Variants in C1orf226 observed in about 807,000 individuals in gnomAD.
The protein encoded by C1orf226 is chromosome 1 open reading frame 226, also known as uncharacterized protein C1orf226.
A neutral mutation model predicts 10.5 loss-of-function variants in C1orf226; 4 were observed. That is an observed-to-expected ratio of 0.38 (90% CI 0.19 to 0.87). The LOEUF (loss-of-function observed/expected upper bound fraction) is 0.87, where lower values mean the gene tolerates loss of function less well. C1orf226 is among the 40% of genes least tolerant of loss of function. C1orf226 has a pLI of 0.41. For missense variants in C1orf226, 313 were observed against 336.2 expected (o/e 0.93, Z 0.54); for synonymous variants, 125 against 139.3 (o/e 0.90, Z 0.72).
At chr1:162,379,061 T>A, upstream of C1orf226, 3 of 1,404,936 alleles carry the variant, frequency 2.1e-6, no homozygotes, top group Non-Finnish European at 3.0e-6. Flanking sequence ...TGTGGATGAC[T>A]TACATCCCCA....
upstream of C1orf226, among the ~76,000 whole-genome samples, chr1:162,379,972 T>C (rs1647856952): frequency 6.6e-6 from 1 of 152,242 alleles, no homozygotes; most frequent in Non-Finnish European, 1.5e-5. Flanking sequence ...CTATGTACTT[T>C]CTGGTTTGGG....
chr1:162,386,221 A>G lies in C1orf226; in HGVS notation c.*2538A>G. ...TGCCCAAAGCCCAGCAGGAACAGCT[A>G]CTACTCATCCTGCAGAGGCCTTGGC... is the stretch of plus-strand genomic sequence containing the variant. On this transcript the variant is annotated 3_prime_UTR_variant, in exon 2 of 2. Coordinates refer to ENST00000458626, the MANE Select transcript of C1orf226 (RefSeq NM_001085375.2). 1 of 152,468 alleles carries G rather than the reference A, an allele frequency of 6.6e-6. No individual in the cohort carries two copies. The highest frequency in any genetic ancestry group is 1.5e-5 in the Non-Finnish European group (1 of 68,138). 9.4% of individuals were successfully genotyped at this position (152,468 alleles called of 1,614,324 possible).
At position 162,382,017 on chromosome 1, in the gene C1orf226, G is replaced by A; in HGVS notation, c.116G>A (p.Gly39Glu). ...GSAPLGSGEPGGPGLWVGSSQ... is the reference protein window; with the variant it reads ...GSAPLGSGEPEGPGLWVGSSQ... The stretch of plus-strand genomic sequence containing the variant: ...GCCCCTCTGGGCTCTGGTGAGCCTG[G>A]GGGGCCAGGACTCTGGGTGGGCAGC... The change falls in exon 1 of 2, where the codon GGG becomes GAG. Residue 39 changes from glycine (G) to glutamate (E), a missense_variant. By Grantham distance (98) the Gly-to-Glu change is moderately conservative. Transcript: ENST00000458626. 6.2e-7 allele frequency: 1 copy of A among 1,612,364 alleles called. No homozygotes were observed. Among genetic ancestry groups the A allele is most frequent in the Non-Finnish European group, 8.5e-7 (1 of 1,179,548 alleles).
rs917441157 is a variant in C1orf226 at position 162,385,508 on chromosome 1, G to A, written c.*1825G>A. ...CACCACAAACTGTCTCCCCTCCCTC[G>A]TAGGAGTCACTGCAGTAGGGCACCT... On this transcript the variant is annotated 3_prime_UTR_variant, in exon 2 of 2. Coordinates refer to ENST00000458626, the MANE Select transcript of C1orf226 (RefSeq NM_001085375.2). 2 of 152,212 alleles carry A rather than the reference G, an allele frequency of 1.3e-5. No individual in the cohort carries two copies. The highest frequency in any genetic ancestry group is 4.8e-5 in the African/African-American group (2 of 41,414). 9.4% of individuals were successfully genotyped at this position (152,212 alleles called of 1,614,324 possible).
At position 162,385,201 on chromosome 1, in the gene C1orf226, G is replaced by C. The variant is rs963232068; in HGVS notation, c.*1518G>C. 5 of 152,544 alleles carry C rather than the reference G, an allele frequency of 3.3e-5. No individual in the cohort carries two copies. Among genetic ancestry groups the C allele is most frequent in the Non-Finnish European group, 7.3e-5 (5 of 68,050 alleles). The allele number at this position is 152,544 out of a possible 1,614,324, so 9.4% of individuals were successfully genotyped here. A position where few individuals can be genotyped will look rare whatever the true frequency, so the allele number is the denominator to read the frequency against. On this transcript the variant is annotated 3_prime_UTR_variant, in exon 2 of 2. Coordinates refer to ENST00000458626, the MANE Select transcript of C1orf226 (RefSeq NM_001085375.2). ...TGTGGCCTCCCCTGTTCTATTCATT[G>C]TTTGGCTTCCCACCCATAAGCTCTG... is the stretch of plus-strand genomic sequence containing the variant.
At chr1:162,380,439 G>A (rs143152489), upstream of C1orf226, among the ~76,000 whole-genome samples, 1 of 152,360 alleles carries the variant, frequency 6.6e-6, no homozygotes, top group African/African-American at 2.4e-5. Flanking sequence ...CCGGGATACA[G>A]CAGTGCAGGG....
In C1orf226 at chr1:162,382,006, T is replaced by A; in HGVS notation, c.105T>A (p.Ser35=). The change falls in exon 1 of 2, where the codon TCT becomes TCA. Residue 35 remains serine, a synonymous_variant. Coordinates refer to ENST00000458626, the MANE Select transcript of C1orf226 (RefSeq NM_001085375.2). ...PVAPGSAPLG[S]GEPGGPGLWV... ...CCCCCGGCTCTGCCCCTCTGGGCTCTGGTGAGCCTGGGGGGCCAGGACTCT... is the reference window on the plus strand; with the variant it reads ...CCCCCGGCTCTGCCCCTCTGGGCTCAGGTGAGCCTGGGGGGCCAGGACTCT... The A allele has an allele frequency of 6.2e-7, 1 of 1,612,508 alleles. No individual in the cohort carries two copies. Among genetic ancestry groups the A allele is most frequent in the South Asian group, 1.1e-5 (1 of 90,994 alleles).
In C1orf226 at chr1:162,384,037, A is replaced by G. The variant is rs1648028248; in HGVS notation, c.*354A>G. The G allele has an allele frequency of 8.1e-6, 2 of 247,146 alleles. No homozygotes were observed. Among genetic ancestry groups the G allele is most frequent in the Admixed American group, 5.1e-5 (1 of 19,700 alleles). 15.3% of individuals were successfully genotyped at this position (247,146 alleles called of 1,614,324 possible). A position where few individuals can be genotyped will look rare whatever the true frequency, so the allele number is the denominator to read the frequency against. On this transcript the variant is annotated 3_prime_UTR_variant, in exon 2 of 2. Coordinates refer to ENST00000458626, the MANE Select transcript of C1orf226 (RefSeq NM_001085375.2). ...CCACCAGCTCAGGACAATGGATCTT[A>G]CAGGAATTCTTTTTGCCTGTCCCCT... is the stretch of plus-strand genomic sequence containing the variant.
At chr1:162,379,145 A>T (rs1403970863), upstream of C1orf226, 3 of 646,444 alleles carry the variant, frequency 4.6e-6, no homozygotes, top group South Asian at 5.4e-5. Flanking sequence ...GGGTCCAGTC[A>T]TCTCTCTGTC....
chr1:162,381,646 T>C (rs1373174831), upstream of C1orf226: 1 of 1,326,936 alleles, frequency 7.5e-7, no homozygotes, highest in Non-Finnish European at 9.7e-7. Context: ...ACAACTTTAT[T>C]TTTTTATGGC....
In C1orf226 at chr1:162,381,839, G is replaced by A. The variant is rs1647922721; in HGVS notation, c.-63G>A. On this transcript the variant is annotated 5_prime_UTR_variant, in exon 1 of 2. Transcript: ENST00000458626. ...AGGAAAAACTGAATGATAGAGCACA[G>A]GTACCGCTCCCCTTTCCTCATCATG... 3.0e-5 allele frequency: 48 copies of A among 1,593,130 alleles called. 2 individuals carry two copies. In the South Asian group the frequency reaches 5.5e-4, roughly 18 times the overall value.
At position 162,383,134 on chromosome 1, in the gene C1orf226, GTC is replaced by G. The variant is rs1557904470; in HGVS notation, c.318-46_318-45del. 3.3e-6 allele frequency: 5 copies of G among 1,510,298 alleles called. No individual in the cohort carries two copies. In the African/African-American group the frequency reaches 5.6e-5, roughly 17 times the overall value. 93.6% of individuals were successfully genotyped at this position (1,510,298 alleles called of 1,614,324 possible). On this transcript the variant is annotated intron_variant, in intron 1 of 1. Transcript: ENST00000458626. ...GAAGCAAGATGGCAGGTGGATTGGT[GTC>G]TTGCTGTCCTTAAGGCATGTGTGTT...
chr1:162,379,064 C>CACAAA, upstream of C1orf226: 1 of 1,403,888 alleles, frequency 7.1e-7, no homozygotes, highest in East Asian at 2.5e-5. Flanking sequence ...GGATGACTTA[C>CACAAA]ATCCCCAGAT....
chr1:162,382,977 G>A (rs1434616985), intron 1 of C1orf226, among the ~76,000 whole-genome samples: 1 of 152,226 alleles, frequency 6.6e-6, no homozygotes, highest in African/African-American at 2.4e-5. Context: ...TGAACACTGA[G>A]TAAGCATGGA....
upstream of C1orf226, among the ~76,000 whole-genome samples, chr1:162,380,030 C>T (rs1475370352): frequency 2.6e-5 from 4 of 152,128 alleles, no homozygotes; most frequent in South Asian, 2.1e-4. Flanking sequence ...TGCTAGTTTG[C>T]GGATGACGTG....
In C1orf226 at chr1:162,383,415, A is replaced by G. The variant is rs1376748787; in HGVS notation, c.551A>G (p.Glu184Gly). 4 of 1,590,580 alleles carry G rather than the reference A, an allele frequency of 2.5e-6. No homozygotes were observed. The highest frequency in any genetic ancestry group is 3.4e-6 in the Non-Finnish European group (4 of 1,168,398). ...ASQPEATMER[E>G]ERGKVLPNGE... ...CAGCCAGAGGCCACCATGGAAAGAG[A>G]AGAGAGAGGCAAAGTTCTGCCCAAT... Residue 184 changes from glutamate (E) to glycine (G), a missense_variant, in exon 2 of 2, where the codon GAA becomes GGA. Glu to Gly is a moderately conservative substitution (Grantham distance 98). Coordinates refer to ENST00000458626, the MANE Select transcript of C1orf226 (RefSeq NM_001085375.2).
At position 162,384,518 on chromosome 1, in the gene C1orf226, A is replaced by C. The variant is rs1459253140; in HGVS notation, c.*835A>C. ...AGCAGATGCGGCCTAGCACACTCTG[A>C]TTTGGTTTTGTGGGGAGGGCCCAGG... On this transcript the variant is annotated 3_prime_UTR_variant, in exon 2 of 2. Coordinates refer to ENST00000458626, the MANE Select transcript of C1orf226 (RefSeq NM_001085375.2). 6.6e-6 allele frequency: 1 copy of C among 152,666 alleles called. No homozygotes were observed. The highest frequency in any genetic ancestry group is 1.5e-5 in the Non-Finnish European group (1 of 68,106). The allele number at this position is 152,666 out of a possible 1,614,324, so 9.5% of individuals were successfully genotyped here. A position where few individuals can be genotyped will look rare whatever the true frequency, so the allele number is the denominator to read the frequency against.
upstream of C1orf226, among the ~76,000 whole-genome samples, chr1:162,381,217 C>T (rs1204255296): frequency 6.6e-6 from 1 of 152,174 alleles, no homozygotes; most frequent in Admixed American, 6.5e-5. Context: ...CATGTACCAC[C>T]TCCCTAGGTG....
At chr1:162,381,036 G>T (rs1330138110), upstream of C1orf226, among the ~76,000 whole-genome samples, 1 of 152,180 alleles carries the variant, frequency 6.6e-6, no homozygotes, top group Non-Finnish European at 1.5e-5. Flanking sequence ...GCATATATAG[G>T]CAGCTGTTCC....
Sources: gnomAD v4.1 joint callset for allele counts (sites outside exome capture counted in the v4.1 genomes callset) on GRCh38, gnomAD v4.1.1 for gene constraint, MANE v1.5 for transcripts, NCBI Gene and HGNC (gene_info 2026-07-23, HGNC 2026-07-21) for gene names.